Variants in RBFOX1 observed in about 807,000 individuals in gnomAD.
The protein encoded by RBFOX1 is RNA binding protein fox-1 homolog 1.
A neutral mutation model predicts 57.7 loss-of-function variants in RBFOX1; 8 were observed. That is an observed-to-expected ratio of 0.14 (90% CI 0.08 to 0.25). The LOEUF (loss-of-function observed/expected upper bound fraction) is 0.25. RBFOX1 is among the 10% of genes least tolerant of loss of function. RBFOX1 has a pLI of 1.00. For synonymous variants in RBFOX1, 326 were observed against 222.4 expected, an observed-to-expected ratio of 1.47 and a Z score of -4.15; for missense variants, 611 against 548.5, an observed-to-expected ratio of 1.11 and a Z score of -1.14.
intron 4 of RBFOX1, among the ~76,000 whole-genome samples, chr16:7,160,435 A>G (rs1002104863): frequency 1.4e-4 from 21 of 151,728 alleles, no homozygotes; most frequent in Non-Finnish European, 2.8e-4. Flanking sequence ...TTCTTTCGTA[A>G]GGTTGCACAA....
chr16:7,144,096 T>C (rs1458466164), intron 4 of RBFOX1, among the ~76,000 whole-genome samples: 2 of 152,214 alleles, frequency 1.3e-5, no homozygotes, highest in African/African-American at 4.8e-5. Context: ...GGGGAAAACG[T>C]CTTCATAGAA....
intron 1 of RBFOX1, among the ~76,000 whole-genome samples, chr16:6,270,317 A>G (rs908778878): frequency 6.6e-6 from 1 of 152,196 alleles, no homozygotes; most frequent in Non-Finnish European, 1.5e-5. Context: ...CAACCTAACT[A>G]TATGCTGTTG....
At chr16:5,837,277 A>G (rs1454578841) in intron 3 of RBFOX1, among the ~76,000 whole-genome samples, 1 of 150,748 alleles carries the variant, frequency 6.6e-6, no homozygotes, top group Non-Finnish European at 1.5e-5. Flanking sequence ...CTACACACAA[A>G]CTGCATCTTC....
Position 7,138,511 on chromosome 16 carries a change from T to A in RBFOX1, c.27+86413T>A, listed in dbSNP as rs573331321. The stretch of plus-strand genomic sequence containing the variant: ...AGCATGCACATCTCTGCCCACAAAC[T>A]CAGTCTTGGAATAAGAAGCACAGTT... On this transcript the variant is annotated intron_variant, in intron 4 of 15. Transcript: ENST00000550418. Among the ~76,000 whole-genome samples, 105 of 152,232 alleles carry A rather than the reference T, an allele frequency of 6.9e-4. 1 individual carries two copies. The South Asian group carries it at 0.021, about 31-fold the overall frequency.
chr16:6,840,225 C>G (rs1025830283), intron 3 of RBFOX1, among the ~76,000 whole-genome samples: 2 of 152,138 alleles, frequency 1.3e-5, no homozygotes, highest in South Asian at 2.1e-4. Flanking sequence ...AGAGGTCTTT[C>G]TTTCTTTAAA....
intron 3 of RBFOX1, among the ~76,000 whole-genome samples, chr16:6,775,510 A>G (rs2079174949): frequency 6.6e-6 from 1 of 152,148 alleles, no homozygotes; most frequent in African/African-American, 2.4e-5. Context: ...AATAAATCAG[A>G]TGCAACCAAT....
At chr16:7,099,553 G>C (rs1286844463) in intron 4 of RBFOX1, among the ~76,000 whole-genome samples, 1 of 152,116 alleles carries the variant, frequency 6.6e-6, no homozygotes, top group Non-Finnish European at 1.5e-5. Context: ...ACTTAGAAAG[G>C]TTATTTTGCT....
rs201905446 is a variant in RBFOX1 at position 6,648,551 on chromosome 16, C to T, written c.-63-6052C>T. Among the ~76,000 whole-genome samples the T allele has an allele frequency of 2.6e-5, 4 of 152,178 alleles. No individual in the cohort carries two copies. The East Asian group carries it at 7.7e-4, about 29-fold the overall frequency. On this transcript the variant is annotated intron_variant, in intron 2 of 15. Coordinates refer to ENST00000550418, the MANE Select transcript of RBFOX1 (RefSeq NM_018723.4). ...CTAATGCCAGAACTGGAATTACCCGCAGCCCTGTCCTCCCACCCTTCAGCC... is the reference window on the plus strand; with the variant it reads ...CTAATGCCAGAACTGGAATTACCCGTAGCCCTGTCCTCCCACCCTTCAGCC...
At chr16:7,519,626 T>G (rs1474079619) in intron 5 of RBFOX1, 2 of 879,024 alleles carry the variant, frequency 2.3e-6, no homozygotes, top group Admixed American at 6.2e-5. Context: ...AAAACCTGTA[T>G]GGAACATGCA....
chr16:5,516,114 C>G (rs1316791964), intron 2 of RBFOX1, among the ~76,000 whole-genome samples: 1 of 152,196 alleles, frequency 6.6e-6, no homozygotes, highest in Non-Finnish European at 1.5e-5. Context: ...ATTGATTAAG[C>G]TTGGTGGCCT....
chr16:5,245,191 G>A (rs930335656), intron 1 of RBFOX1, among the ~76,000 whole-genome samples: 6 of 152,152 alleles, frequency 3.9e-5, no homozygotes, highest in Non-Finnish European at 8.8e-5. Flanking sequence ...TGTGGAGTCC[G>A]GTGCCTGGTT....
At chr16:7,559,311 C>G (rs923440396) in intron 5 of RBFOX1, among the ~76,000 whole-genome samples, 1 of 145,542 alleles carries the variant, frequency 6.9e-6, no homozygotes, top group Non-Finnish European at 1.5e-5. Context: ...ACATCTCTTT[C>G]TCTCAGTCTC....
At chr16:6,836,664 C>T (rs1210543682) in intron 3 of RBFOX1, among the ~76,000 whole-genome samples, 1 of 152,164 alleles carries the variant, frequency 6.6e-6, no homozygotes, top group African/African-American at 2.4e-5. Context: ...GTGACAGTTC[C>T]TTTCTTATGC....
intron 1 of RBFOX1, among the ~76,000 whole-genome samples, chr16:6,162,698 CA>C (rs1194655186): frequency 6.6e-6 from 1 of 152,058 alleles, no homozygotes; most frequent in Non-Finnish European, 1.5e-5. Context: ...GTAAACCACA[CA>C]TGGAGGGGAA....
chr16:6,873,581 G>T (rs914179439), intron 3 of RBFOX1, among the ~76,000 whole-genome samples: 2 of 152,116 alleles, frequency 1.3e-5, no homozygotes, highest in Non-Finnish European at 2.9e-5. Flanking sequence ...AAACTATTGA[G>T]TTAAACATAT....
At chr16:7,597,221 G>A (rs933113817) in intron 8 of RBFOX1, 150 bp from the exon 9 acceptor site, 1 of 532,948 alleles carries the variant, frequency 1.9e-6, no homozygotes, top group South Asian at 3.0e-5. Flanking sequence ...GTATGATTTT[G>A]TTATGCACCT....
chr16:7,270,446 A>T (rs558181232), intron 4 of RBFOX1, among the ~76,000 whole-genome samples: 7 of 152,366 alleles, frequency 4.6e-5, no homozygotes, highest in Admixed American at 4.6e-4. Context: ...GGGCAGATTC[A>T]GACCTTATGG....
intron 4 of RBFOX1, among the ~76,000 whole-genome samples, chr16:7,139,718 G>A (rs1419299812): frequency 6.6e-6 from 1 of 152,092 alleles, no homozygotes; most frequent in Non-Finnish European, 1.5e-5. Flanking sequence ...AAAACCAAAG[G>A]CCATGAAGAG....
At chr16:7,595,447 C>T (rs1310595504) in intron 7 of RBFOX1, 102 bp from the exon 8 acceptor site, 3 of 891,174 alleles carry the variant, frequency 3.4e-6, no homozygotes, top group Non-Finnish European at 5.0e-6. Flanking sequence ...AGAACTGAAG[C>T]CAGGACAAGA....
Sources: gnomAD v4.1 joint callset for allele counts (sites outside exome capture counted in the v4.1 genomes callset) on GRCh38, gnomAD v4.1.1 for gene constraint, MANE v1.5 for transcripts, NCBI Gene and HGNC (gene_info 2026-07-23, HGNC 2026-07-21) for gene names.